The following ZNF722 variants were observed in gnomAD, a reference collection of about 807,000 sequenced individuals.
ZNF722 encodes the protein zinc finger protein 479 pseudogene.
the ZNF722 span, among the ~76,000 whole-genome samples, chr7:64,004,425 A>AAATATATATATAT: frequency 4.9e-4 from 30 of 61,108 alleles, no homozygotes; most frequent in East Asian, 9.9e-4. Flanking sequence ...AAAAAAAAAA[A>AAATATATATATAT]ATATATATAT....
chr7:64,002,657 A>G, the ZNF722 span, among the ~76,000 whole-genome samples: 3 of 152,348 alleles, frequency 2.0e-5, no homozygotes, highest in East Asian at 5.8e-4. Context: ...CCAGAGTGCT[A>G]TGAAAATTAA....
the ZNF722 span, chr7:64,006,281 G>A: frequency 7.6e-7 from 1 of 1,312,314 alleles, no homozygotes; most frequent in Non-Finnish European, 1.1e-6. Context: ...AAAGAGGCTT[G>A]GAATATAAAG....
At chr7:63,999,135 G>C in the ZNF722 span, 1 of 1,040,926 alleles carries the variant, frequency 9.6e-7, no homozygotes. Flanking sequence ...GTCCCAGCTC[G>C]GCTTTTAGTC....
the ZNF722 span, chr7:64,005,524 T>A: frequency 3.1e-6 from 2 of 649,724 alleles, no homozygotes; most frequent in Non-Finnish European, 5.5e-6. Flanking sequence ...CTCTCTTTTT[T>A]AACTTGAGTC....
chr7:64,015,307 G>A, the ZNF722 span: 1 of 1,293,394 alleles, frequency 7.7e-7, no homozygotes. Flanking sequence ...AGATATACTG[G>A]AAAGAAACAT....
the ZNF722 span, chr7:64,014,937 T>A: frequency 1.0e-6 from 1 of 982,572 alleles, no homozygotes; most frequent in Non-Finnish European, 1.5e-6. Context: ...ATTTTGCTAG[T>A]GTGCCTTGTA....
At chr7:64,009,184 C>T in the ZNF722 span, among the ~76,000 whole-genome samples, 10 of 152,214 alleles carry the variant, frequency 6.6e-5, no homozygotes, top group African/African-American at 2.4e-4. Context: ...ATCATGTCAT[C>T]TGCAGCCAGG....
chr7:64,005,608 T>C, the ZNF722 span: 1 of 1,122,230 alleles, frequency 8.9e-7, no homozygotes, highest in Non-Finnish European at 1.3e-6. Flanking sequence ...TTTGTTTTTT[T>C]CAGAGACTGT....
chr7:64,012,089 A>G, the ZNF722 span, among the ~76,000 whole-genome samples: 1 of 152,182 alleles, frequency 6.6e-6, no homozygotes, highest in Non-Finnish European at 1.5e-5. Context: ...TGCATGCGTC[A>G]CATAGTTCTA....
the ZNF722 span, chr7:64,015,506 C>T: frequency 1.2e-6 from 2 of 1,612,814 alleles, no homozygotes; most frequent in Non-Finnish European, 1.7e-6. Flanking sequence ...AGGAATGTGG[C>T]AAAGCCTTTA....
At chr7:64,011,754 T>C in the ZNF722 span, among the ~76,000 whole-genome samples, 9 of 152,282 alleles carry the variant, frequency 5.9e-5, no homozygotes, top group South Asian at 1.9e-3. Context: ...GAGGAGTATC[T>C]TTGTGATGTT....
the ZNF722 span, chr7:64,005,503 A>G: frequency 1.6e-6 from 1 of 610,580 alleles, no homozygotes; most frequent in Non-Finnish European, 2.9e-6. Flanking sequence ...AGTGAGAACC[A>G]CTTCATTTTA....
chr7:64,006,250 A>G, the ZNF722 span: 1 of 1,290,722 alleles, frequency 7.7e-7, no homozygotes, highest in Non-Finnish European at 1.1e-6. Context: ...GCCAGACTTG[A>G]TTACCTGTCT....
chr7:64,015,531 C>A, the ZNF722 span: 1 of 1,613,190 alleles, frequency 6.2e-7, no homozygotes, highest in Non-Finnish European at 8.5e-7. Context: ...GCCCTCAAAC[C>A]TTACTAGACA....
the ZNF722 span, among the ~76,000 whole-genome samples, chr7:64,008,724 T>C: frequency 6.6e-6 from 1 of 152,192 alleles, no homozygotes. Flanking sequence ...CTTGGCAATG[T>C]GGGCTCTTTT....
At chr7:64,007,250 A>ATATATT in the ZNF722 span, among the ~76,000 whole-genome samples, 1 of 147,670 alleles carries the variant, frequency 6.8e-6, no homozygotes, top group African/African-American at 2.5e-5. Context: ...ATATATATAT[A>ATATATT]TATATTTATA....
At chr7:64,004,839 T>C in the ZNF722 span, among the ~76,000 whole-genome samples, 4 of 152,188 alleles carry the variant, frequency 2.6e-5, no homozygotes, top group Non-Finnish European at 5.9e-5. Flanking sequence ...ATATTCTTAC[T>C]AGGCTAGAAA....
the ZNF722 span, chr7:63,998,939 G>T: frequency 6.4e-7 from 1 of 1,573,942 alleles, no homozygotes; most frequent in Non-Finnish European, 8.7e-7. Context: ...GTGGCCTTGT[G>T]TCCTGCAGGT....
the ZNF722 span, among the ~76,000 whole-genome samples, chr7:64,007,078 ATAGT>A: frequency 1.3e-5 from 2 of 151,528 alleles, no homozygotes; most frequent in Admixed American, 1.3e-4. Flanking sequence ...CATCATCAAC[ATAGT>A]TGGTGTTTTT....
Sources: gnomAD v4.1 joint callset for allele counts (sites outside exome capture counted in the v4.1 genomes callset) on GRCh38, gnomAD v4.1.1 for gene constraint, MANE v1.5 for transcripts, NCBI Gene and HGNC (gene_info 2026-07-23, HGNC 2026-07-21) for gene names.